Variants in VWA8 observed in about 807,000 individuals in gnomAD.
VWA8 encodes von Willebrand factor A domain-containing protein 8.
In VWA8, 221 loss-of-function variants were observed where a neutral mutation model predicts 241.5. The observed-to-expected ratio is 0.91, with a 90% CI of 0.82 to 1.02. The LOEUF (loss-of-function observed/expected upper bound fraction) is 1.02. VWA8 is among the 50% of genes least tolerant of loss of function. VWA8 has a pLI of 0.00. For missense variants in VWA8, 2,322 were observed against 2,328.7 expected (o/e 1.00, Z 0.06); for synonymous variants, 852 against 827.1 (o/e 1.03, Z -0.52).
intron 43 of VWA8, among the ~76,000 whole-genome samples, chr13:41,573,753 G>T (rs1400519005): frequency 6.6e-6 from 1 of 151,560 alleles, no homozygotes; most frequent in Non-Finnish European, 1.5e-5. Context: ...GGGTGGCTGG[G>T]ATTGCGGGTG....
intron 8 of VWA8, among the ~76,000 whole-genome samples, chr13:41,885,586 T>C (rs542639030): frequency 1.3e-5 from 2 of 152,320 alleles, no homozygotes; most frequent in African/African-American, 4.8e-5. Flanking sequence ...GTGAAAGCCC[T>C]AGCTCCCCTA....
chr13:41,811,710 CG>C (rs1870482788), intron 16 of VWA8, among the ~76,000 whole-genome samples: 1 of 152,218 alleles, frequency 6.6e-6, no homozygotes, highest in African/African-American at 2.4e-5. Context: ...TAAGATACCA[CG>C]GAAATGTTTA....
At chr13:41,582,825 T>G (rs762227950) in intron 42 of VWA8, among the ~76,000 whole-genome samples, 3 of 152,148 alleles carry the variant, frequency 2.0e-5, no homozygotes, top group Admixed American at 6.5e-5. Flanking sequence ...CCACTAATAG[T>G]GGTTGTACTG....
intron 2 of VWA8, among the ~76,000 whole-genome samples, chr13:41,921,462 T>A (rs1206584390): frequency 6.6e-6 from 1 of 152,064 alleles, no homozygotes; most frequent in Non-Finnish European, 1.5e-5. Context: ...AGAAAGAAAT[T>A]AAGGGTATTC....
chr13:41,829,530 T>TACACACACACACACAC, intron 14 of VWA8, among the ~76,000 whole-genome samples: 1 of 139,720 alleles, frequency 7.2e-6, no homozygotes, highest in Non-Finnish European at 1.6e-5. Flanking sequence ...GGAAATGTGA[T>TACACACACACACACAC]ACACACACAC....
At position 41,668,165 on chromosome 13, in the gene VWA8, C is replaced by T. The variant is rs567222188; in HGVS notation, c.4611+2781G>A. On this transcript the variant is annotated intron_variant, in intron 37 of 44. Transcript: ENST00000379310. ...TTCCTTTGCTATGATGCAGAGGAAT[C>T]AGGAGGCATGGGGATCTTTTGTGGT... is the stretch of plus-strand genomic sequence containing the variant. 5.3e-5 allele frequency among the ~76,000 whole-genome samples: 8 copies of T among 152,232 alleles called. No individual in the cohort carries two copies. The South Asian group carries it at 1.7e-3, about 32-fold the overall frequency.
chr13:41,811,412 C>G, intron 16 of VWA8, 72 bp from the exon 17 acceptor site: 1 of 1,195,378 alleles, frequency 8.4e-7, no homozygotes, highest in South Asian at 1.6e-5. Flanking sequence ...ATGGATATCA[C>G]AGCAGAATTC....
rs779345035 is a variant in VWA8 at position 41,907,670 on chromosome 13, G to A, written c.399C>T (p.Tyr133=). The A allele has an allele frequency of 5.6e-6, 9 of 1,614,112 alleles. No homozygotes were observed. The highest frequency in any genetic ancestry group is 1.1e-5 in the South Asian group (1 of 91,082). ...YLELTKREVE[Y]IALSRDTTET... ...CAGTGGTGTCCCTTGACAGGGCAAT[G>A]TATTCGACCTCCCGTTTGGTCAGCT... The change falls in exon 4 of 45, where the codon TAC becomes TAT. Residue 133 remains tyrosine, a synonymous_variant. Transcript: ENST00000379310.
At chr13:41,844,040 G>A (rs756177607) in intron 12 of VWA8, among the ~76,000 whole-genome samples, 5 of 152,034 alleles carry the variant, frequency 3.3e-5, no homozygotes, top group Non-Finnish European at 7.4e-5. Flanking sequence ...AACAAAGAAA[G>A]TTAAATATAG....
chr13:41,694,663 G>A (rs971074317), intron 29 of VWA8, among the ~76,000 whole-genome samples: 5 of 151,920 alleles, frequency 3.3e-5, no homozygotes, highest in African/African-American at 7.3e-5. Context: ...TATGTACAAC[G>A]TTAAAATGAA....
chr13:41,790,037 G>A (rs530241906), intron 17 of VWA8, among the ~76,000 whole-genome samples: 14 of 152,136 alleles, frequency 9.2e-5, no homozygotes, highest in South Asian at 6.2e-4. Context: ...TTATTTAGCC[G>A]AGTTTTATAA....
rs987137253 is a variant in VWA8, at chr13:41,727,186, G to A, written c.2758+8C>T. The A allele has an allele frequency of 6.5e-7, 1 of 1,537,764 alleles. No individual in the cohort carries two copies. The highest frequency in any genetic ancestry group is 1.2e-5 in the South Asian group (1 of 81,102). ...TATTGGTATTGTTATTATCATTACT[G>A]TTTTTACCTAAGGTACCGAAGAAAT... On this transcript the variant is annotated splice_region_variant and intron_variant, in intron 24 of 44. Coordinates refer to ENST00000379310, the MANE Select transcript of VWA8 (RefSeq NM_015058.2).
At chr13:41,950,665 G>C (rs1433267558) in intron 1 of VWA8, among the ~76,000 whole-genome samples, 1 of 122,376 alleles carries the variant, frequency 8.2e-6, no homozygotes, top group Non-Finnish European at 1.7e-5. Flanking sequence ...ACCACACTCA[G>C]CCTTTTTTTT....
chr13:41,735,360 T>G (rs1175154453), intron 21 of VWA8, among the ~76,000 whole-genome samples: 1 of 152,212 alleles, frequency 6.6e-6, no homozygotes, highest in African/African-American at 2.4e-5. Flanking sequence ...AAAATGAAGT[T>G]GCTCTGTAAC....
chr13:41,801,091 G>A (rs1220371683), intron 17 of VWA8, among the ~76,000 whole-genome samples: 1 of 150,642 alleles, frequency 6.6e-6, no homozygotes, highest in East Asian at 1.9e-4. Context: ...TCCAAACTTT[G>A]GTATTTTTAA....
At chr13:41,572,389 T>C (rs1247922211) in intron 43 of VWA8, among the ~76,000 whole-genome samples, 1 of 152,182 alleles carries the variant, frequency 6.6e-6, no homozygotes, top group Non-Finnish European at 1.5e-5. Flanking sequence ...AGAGATCAGA[T>C]TGTTACTGTG....
At chr13:41,907,025 T>C (rs924762669) in intron 4 of VWA8, among the ~76,000 whole-genome samples, 8 of 152,178 alleles carry the variant, frequency 5.3e-5, no homozygotes, top group Admixed American at 6.5e-5. Context: ...CTCTATCCTT[T>C]TTCTATTAAA....
chr13:41,919,207 A>T lies in VWA8; in HGVS notation c.242-7039T>A, dbSNP rs145448225. ...AAAGGAAACTTTGCCTCTGCCAAGGATGATCTCAGCCCCTATTTGGGGATC... is the reference window on the plus strand; with the variant it reads ...AAAGGAAACTTTGCCTCTGCCAAGGTTGATCTCAGCCCCTATTTGGGGATC... On this transcript the variant is annotated intron_variant, in intron 2 of 44. Coordinates refer to ENST00000379310, the MANE Select transcript of VWA8 (RefSeq NM_015058.2). Among the ~76,000 whole-genome samples, 257 of 152,318 alleles carry T rather than the reference A, an allele frequency of 1.7e-3. 2 individuals carry two copies. The highest frequency in any genetic ancestry group is 5.7e-3 in the African/African-American group (236 of 41,572).
intron 1 of VWA8, among the ~76,000 whole-genome samples, chr13:41,953,166 A>G (rs1214309740): frequency 6.6e-6 from 1 of 152,262 alleles, no homozygotes; most frequent in Non-Finnish European, 1.5e-5. Context: ...GGAAAAAATA[A>G]AGAAGGATAC....
Sources: gnomAD v4.1 joint callset for allele counts (sites outside exome capture counted in the v4.1 genomes callset) on GRCh38, gnomAD v4.1.1 for gene constraint, MANE v1.5 for transcripts, NCBI Gene and HGNC (gene_info 2026-07-23, HGNC 2026-07-21) for gene names.